The following ITGB3 variants were observed in gnomAD, a reference collection of about 807,000 sequenced individuals.
ITGB3 encodes the protein integrin subunit beta 3.
ITGB3 carries 48 observed loss-of-function variants against 85.8 expected under a neutral mutation model. That is an observed-to-expected ratio of 0.56 (90% CI 0.44 to 0.71). The LOEUF (loss-of-function observed/expected upper bound fraction) is 0.71. Among genes scored for constraint, ITGB3 ranks in the 30% least tolerant of loss-of-function variants. The pLI is 0.00. For synonymous variants in ITGB3, 363 were observed against 395.6 expected (o/e 0.92, Z 0.98); for missense variants, 861 against 1,019.1 (o/e 0.84, Z 2.11).
intron 10 of ITGB3, 111 bp downstream of exon 10, chr17:47,292,679 A>C: frequency 9.1e-7 from 1 of 1,093,748 alleles, no homozygotes; most frequent in South Asian, 1.3e-5. Flanking sequence ...GCAGAGGTGT[A>C]AGTCAGTGGT....
intron 1 of ITGB3, among the ~76,000 whole-genome samples, chr17:47,272,958 A>G (rs2065050882): frequency 6.6e-6 from 1 of 151,980 alleles, no homozygotes; most frequent in Non-Finnish European, 1.5e-5. Context: ...ATTTTTTAGC[A>G]GAGATGGAGT....
chr17:47,283,577 G>A (rs267606594), intron 3 of ITGB3, 28 bp downstream of exon 3: 4 of 1,610,584 alleles, frequency 2.5e-6, no homozygotes, highest in Non-Finnish European at 3.4e-6. Flanking sequence ...TGCGGGGAGA[G>A]ACCTGAAGCA....
chr17:47,276,118 C>T lies in ITGB3; in HGVS notation c.165+1614C>T, dbSNP rs545791917. On this transcript the variant is annotated intron_variant, in intron 2 of 14. Coordinates refer to ENST00000559488, the MANE Select transcript of ITGB3 (RefSeq NM_000212.3). ...GCAGAGGAAGGTCAGGACAGAAGCC[C>T]TAGTGTCACTCAAAGGGTGCTTCCC... 2.0e-5 allele frequency among the ~76,000 whole-genome samples: 3 copies of T among 152,292 alleles called. No homozygotes were observed. In the South Asian group the frequency reaches 6.2e-4, roughly 32 times the overall value.
Position 47,311,765 on chromosome 17 carries a change from C to G in ITGB3, c.*1561C>G, listed in dbSNP as rs1185489221. ...GACATACATCCAACATTAAAAGCCA[C>G]CCCCAAATGCCCAAGAAAAAAAGAA... On this transcript the variant is annotated 3_prime_UTR_variant, in exon 15 of 15. Coordinates refer to ENST00000559488, the MANE Select transcript of ITGB3 (RefSeq NM_000212.3). 1 of 152,176 alleles carries G rather than the reference C, an allele frequency of 6.6e-6. No homozygotes were observed. The highest frequency in any genetic ancestry group is 1.5e-5 in the Non-Finnish European group (1 of 68,038). 9.4% of individuals were successfully genotyped at this position (152,176 alleles called of 1,614,324 possible). A position where few individuals can be genotyped will look rare whatever the true frequency, so the allele number is the denominator to read the frequency against.
At chr17:47,278,326 T>C (rs2065070808) in intron 2 of ITGB3, among the ~76,000 whole-genome samples, 1 of 152,178 alleles carries the variant, frequency 6.6e-6, no homozygotes, top group Non-Finnish European at 1.5e-5. Context: ...GGTGGCTCAC[T>C]CCTGTAATCC....
chr17:47,299,531 G>A lies in ITGB3; in HGVS notation c.1913+1G>A, dbSNP rs2065158302. Reference sequence around the variant, plus strand: ...GCCCAGATGCCTGCACCTTTAAGAAGTGAGTGTGGAGTCTGGAGAGAGCCG... The same window carrying A: ...GCCCAGATGCCTGCACCTTTAAGAAATGAGTGTGGAGTCTGGAGAGAGCCG... On this transcript the variant is annotated splice_donor_variant, in intron 11 of 14. Coordinates refer to ENST00000559488, the MANE Select transcript of ITGB3 (RefSeq NM_000212.3). LOFTEE classifies it high-confidence loss of function. This position sits in a 1 kb window ranked among gnomAD's most constrained non-coding sequence, Gnocchi z 5.1. 1 of 1,613,882 alleles carries A rather than the reference G, an allele frequency of 6.2e-7. No individual in the cohort carries two copies. Among genetic ancestry groups the A allele is most frequent in the African/African-American group, 1.3e-5 (1 of 75,058 alleles).
At chr17:47,295,331 G>A (rs1250772922) in intron 10 of ITGB3, among the ~76,000 whole-genome samples, 1 of 152,100 alleles carries the variant, frequency 6.6e-6, no homozygotes, top group South Asian at 2.1e-4. Context: ...AGCCCAGAAG[G>A]TCTAGCTGTG....
intron 1 of ITGB3, among the ~76,000 whole-genome samples, chr17:47,261,027 A>G (rs2065007234): frequency 6.6e-6 from 1 of 152,212 alleles, no homozygotes; most frequent in South Asian, 2.1e-4. Flanking sequence ...ACATACGGTT[A>G]TTAACTATAG....
intron 1 of ITGB3, among the ~76,000 whole-genome samples, chr17:47,255,554 TGGGATTACA>T (rs553002447): frequency 6.6e-5 from 10 of 152,220 alleles, no homozygotes; most frequent in Middle Eastern, 6.8e-3. Flanking sequence ...CCCGAGTAGC[TGGGATTACA>T]GGCACGCACC....
At chr17:47,257,635 C>T (rs1467349036) in intron 1 of ITGB3, among the ~76,000 whole-genome samples, 1 of 152,150 alleles carries the variant, frequency 6.6e-6, no homozygotes, top group African/African-American at 2.4e-5. Flanking sequence ...TCAAGTGCTC[C>T]GTTTGGATAA....
At position 47,307,489 on chromosome 17, in the gene ITGB3, AC is replaced by A; in HGVS notation, c.2154del (p.Asp718GlufsTer9). Reference sequence around the variant, plus strand: ...CTCACAGAGTGTCCCAAGGGCCCTGACATCCTGGTGGTCCTGCTCTCAGTGA... The same window carrying A: ...CTCACAGAGTGTCCCAAGGGCCCTGAATCCTGGTGGTCCTGCTCTCAGTGA... ...VEEPECPKGP[D>X]ILVVLLSVMG... On this transcript the variant is annotated frameshift_variant, in exon 14 of 15. Transcript: ENST00000559488. LOFTEE classifies it high-confidence loss of function. The A allele has an allele frequency of 6.2e-7, 1 of 1,614,048 alleles. No individual in the cohort carries two copies. Among genetic ancestry groups the A allele is most frequent in the Non-Finnish European group, 8.5e-7 (1 of 1,180,022 alleles).
Position 47,299,331 on chromosome 17 carries a change from G to A in ITGB3, c.1714G>A (p.Asp572Asn), listed in dbSNP as rs1567768591. The change falls in exon 11 of 15, where the codon GAC becomes AAC. Residue 572 changes from aspartate (D) to asparagine (N), a missense_variant. Transcript: ENST00000559488. This position sits in a 1 kb window ranked among gnomAD's most constrained non-coding sequence, Gnocchi z 5.1. Reference sequence around the variant, plus strand: ...AGGCCATGGCCAGTGCAGCTGTGGGGACTGCCTGTGTGACTCCGACTGGAC... The same window carrying A: ...AGGCCATGGCCAGTGCAGCTGTGGGAACTGCCTGTGTGACTCCGACTGGAC... Reference protein sequence around the residue: ...CSGHGQCSCGDCLCDSDWTGY... With the variant: ...CSGHGQCSCGNCLCDSDWTGY... 1 of 1,614,126 alleles carries A rather than the reference G, an allele frequency of 6.2e-7. No individual in the cohort carries two copies. The highest frequency in any genetic ancestry group is 8.5e-7 in the Non-Finnish European group (1 of 1,180,048).
chr17:47,283,254 G>A (rs1161378474), intron 2 of ITGB3, 100 bp from the exon 3 acceptor site: 3 of 1,096,840 alleles, frequency 2.7e-6, no homozygotes, highest in Middle Eastern at 2.0e-4. Context: ...CCAATGTACG[G>A]GGTAAACTCT....
At chr17:47,273,314 G>A (rs1270409613) in intron 1 of ITGB3, among the ~76,000 whole-genome samples, 1 of 152,190 alleles carries the variant, frequency 6.6e-6, no homozygotes, top group Admixed American at 6.5e-5. Flanking sequence ...ACTGCATGAA[G>A]GAGCTGTCAG....
intron 10 of ITGB3, among the ~76,000 whole-genome samples, chr17:47,295,807 C>T (rs890830265): frequency 6.6e-6 from 1 of 152,182 alleles, no homozygotes; most frequent in Non-Finnish European, 1.5e-5. Context: ...GGCTGGCGCA[C>T]TCCTCCCCCA....
intron 1 of ITGB3, among the ~76,000 whole-genome samples, chr17:47,271,249 T>C (rs190494198): frequency 3.3e-4 from 51 of 152,302 alleles, no homozygotes; most frequent in Admixed American, 3.1e-3. Flanking sequence ...AGTCTACTCA[T>C]TGTGTGTACC....
intron 2 of ITGB3, among the ~76,000 whole-genome samples, chr17:47,276,260 C>A (rs1409466461): frequency 6.6e-6 from 1 of 152,198 alleles, no homozygotes; most frequent in Non-Finnish European, 1.5e-5. Context: ...CTCCCTATCC[C>A]CCATTTTTCA....
rs1303440817 is a variant in ITGB3 at position 47,310,708 on chromosome 17, G to A, written c.*504G>A. On this transcript the variant is annotated 3_prime_UTR_variant, in exon 15 of 15. Transcript: ENST00000559488. Reference sequence around the variant, plus strand: ...CTCAGCAGCTATGGTAGGAACTGCTGGGCTTGGCAGCCCGGGTCATCTGTA... The same window carrying A: ...CTCAGCAGCTATGGTAGGAACTGCTAGGCTTGGCAGCCCGGGTCATCTGTA... 2.0e-5 allele frequency: 4 copies of A among 201,220 alleles called. No homozygotes were observed. The highest frequency in any genetic ancestry group is 3.1e-5 in the Non-Finnish European group (3 of 96,250). The allele number at this position is 201,220 out of a possible 1,614,324, so 12.5% of individuals were successfully genotyped here.
intron 9 of ITGB3, 52 bp downstream of exon 9, chr17:47,291,140 C>G (rs375746929): frequency 6.2e-7 from 1 of 1,611,190 alleles, no homozygotes; most frequent in Non-Finnish European, 8.5e-7. Flanking sequence ...GGGCACCCAA[C>G]CCCCTTTCTT....
Sources: gnomAD v4.1 joint callset for allele counts (sites outside exome capture counted in the v4.1 genomes callset) on GRCh38, gnomAD v4.1.1 for gene constraint, Gnocchi (gnomAD v3.1) non-coding constraint, MANE v1.5 for transcripts, NCBI Gene and HGNC (gene_info 2026-07-23, HGNC 2026-07-21) for gene names.